Variants in GPM6A observed in about 807,000 individuals in gnomAD.
The protein encoded by GPM6A is glycoprotein M6A, also known as neuronal membrane glycoprotein M6-a.
A neutral mutation model predicts 32.1 loss-of-function variants in GPM6A; 7 were observed. The ratio of observed to expected loss-of-function variants is 0.22; its 90% CI spans 0.12 to 0.41. GPM6A has a LOEUF of 0.41. GPM6A is among the 10% of genes least tolerant of loss of function. The pLI is 1.00. For missense variants in GPM6A, 235 were observed against 347.2 expected (o/e 0.68, Z 2.57); for synonymous variants, 130 against 123.4 (o/e 1.05, Z -0.35).
intron 1 of GPM6A, among the ~76,000 whole-genome samples, chr4:175,799,768 G>C (rs1302324982): frequency 7.2e-6 from 1 of 137,996 alleles, no homozygotes; most frequent in Non-Finnish European, 1.6e-5. Context: ...TCCGCCTCCC[G>C]GGTTCACGCC....
chr4:175,732,030 A>T (rs535437105), intron 1 of GPM6A, among the ~76,000 whole-genome samples: 96 of 143,550 alleles, frequency 6.7e-4, no homozygotes, highest in African/African-American at 2.5e-3. Flanking sequence ...GCAGTGGCTC[A>T]ATCTCAGCTT....
At chr4:175,937,063 G>A (rs1267784566) in intron 1 of GPM6A, among the ~76,000 whole-genome samples, 1 of 151,876 alleles carries the variant, frequency 6.6e-6, no homozygotes, top group Non-Finnish European at 1.5e-5. Context: ...CACTTTCAAG[G>A]GTACAGACAA....
At chr4:175,721,147 T>C (rs1415805920) in intron 1 of GPM6A, among the ~76,000 whole-genome samples, 1 of 84,472 alleles carries the variant, frequency 1.2e-5, no homozygotes, top group East Asian at 2.5e-4. Context: ...ATATATATTC[T>C]AATATATATA....
At chr4:175,659,987 T>C (rs1560857622) in intron 3 of GPM6A, among the ~76,000 whole-genome samples, 1 of 152,182 alleles carries the variant, frequency 6.6e-6, no homozygotes, top group Non-Finnish European at 1.5e-5. Flanking sequence ...AATAATACAG[T>C]ATTGACGTTA....
intron 1 of GPM6A, among the ~76,000 whole-genome samples, chr4:175,919,237 T>C (rs937543342): frequency 6.6e-6 from 1 of 152,168 alleles, no homozygotes; most frequent in Admixed American, 6.6e-5. Flanking sequence ...ATGAGGTCCC[T>C]GGCAGTCTAG....
intron 1 of GPM6A, among the ~76,000 whole-genome samples, chr4:175,942,992 A>G (rs1225106900): frequency 6.6e-6 from 1 of 152,168 alleles, no homozygotes; most frequent in Non-Finnish European, 1.5e-5. Context: ...TTTTCACTAT[A>G]TAGATTCTTC....
chr4:175,670,861 A>AT (rs33998725), intron 3 of GPM6A, among the ~76,000 whole-genome samples: 4,163 of 124,168 alleles, frequency 0.034, 169 homozygotes, highest in East Asian at 0.094. Flanking sequence ...ATGTTGCTTC[A>AT]TTTTTTTTTT....
chr4:175,905,397 AGCT>A (rs778490532), intron 1 of GPM6A, among the ~76,000 whole-genome samples: 1 of 151,492 alleles, frequency 6.6e-6, no homozygotes, highest in Non-Finnish European at 1.5e-5. Flanking sequence ...TTTTCTCATC[AGCT>A]ATTGTTAGTG....
At chr4:175,696,919 T>G (rs1425959357) in intron 2 of GPM6A, among the ~76,000 whole-genome samples, 2 of 152,170 alleles carry the variant, frequency 1.3e-5, no homozygotes, top group Non-Finnish European at 2.9e-5. Context: ...AAAATCTATA[T>G]ATCTATTTTG....
intron 1 of GPM6A, among the ~76,000 whole-genome samples, chr4:175,924,615 G>A (rs1738772473): frequency 6.6e-6 from 1 of 152,086 alleles, no homozygotes; most frequent in Admixed American, 6.5e-5. Context: ...CGAGGCACAC[G>A]GATCACCTGA....
intron 1 of GPM6A, among the ~76,000 whole-genome samples, chr4:175,909,082 C>G (rs1169973894): frequency 7.0e-6 from 1 of 141,942 alleles, no homozygotes; most frequent in Non-Finnish European, 1.5e-5. Context: ...TTAATCAGGT[C>G]TTACTATAAC....
chr4:175,806,850 CTA>C, intron 1 of GPM6A: 1 of 152,196 alleles, frequency 6.6e-6, no homozygotes, highest in East Asian at 1.9e-4. Flanking sequence ...ATCTGATTCT[CTA>C]TGTTTCTTTT....
At chr4:175,930,144 T>A (rs963409792) in intron 1 of GPM6A, among the ~76,000 whole-genome samples, 6 of 152,140 alleles carry the variant, frequency 3.9e-5, no homozygotes, top group African/African-American at 7.2e-5. Flanking sequence ...ATAATGTTAG[T>A]CATCAAACAT....
intron 1 of GPM6A, among the ~76,000 whole-genome samples, chr4:175,959,293 G>C (rs537208548): frequency 6.6e-6 from 1 of 151,982 alleles, no homozygotes; most frequent in Admixed American, 6.6e-5. Context: ...ACAGCTTAAC[G>C]TTATACACAT....
chr4:175,816,297 AATGTATATTACTTTTTTCTT>A (rs1217070882), upstream of GPM6A, among the ~76,000 whole-genome samples: 1 of 152,236 alleles, frequency 6.6e-6, no homozygotes, highest in East Asian at 1.9e-4. Context: ...AAATGTTTAT[AATGTATATTACTTTTTTCTT>A]ATGTGAGCTC....
chr4:175,742,118 C>A (rs1731910459), intron 1 of GPM6A, among the ~76,000 whole-genome samples: 1 of 151,984 alleles, frequency 6.6e-6, no homozygotes, highest in Non-Finnish European at 1.5e-5. Context: ...AAATATTAAA[C>A]TTTTCCTCTT....
At chr4:175,699,435 T>A (rs1744750225) in intron 2 of GPM6A, among the ~76,000 whole-genome samples, 1 of 152,188 alleles carries the variant, frequency 6.6e-6, no homozygotes, top group Non-Finnish European at 1.5e-5. Flanking sequence ...ATTTAATGGA[T>A]AACGTCAATT....
chr4:175,733,648 T>C (rs1420792451), intron 1 of GPM6A, among the ~76,000 whole-genome samples: 1 of 152,214 alleles, frequency 6.6e-6, no homozygotes. Context: ...AAAGTGTTTT[T>C]TTCCAAGTCA....
chr4:175,850,298 T>G lies in GPM6A; in HGVS notation c.-22-38049A>C, dbSNP rs557707649. Among the ~76,000 whole-genome samples the G allele has an allele frequency of 1.6e-4, 25 of 152,158 alleles. 1 individual carries two copies. The South Asian group carries it at 1.7e-3, about 10-fold the overall frequency. On this transcript the variant is annotated intron_variant, in intron 1 of 7. Transcript: ENST00000280187. ...GGGATTTAATAAGAAAAGAAATTAG[T>G]GTGACAAGGGAGTAACAATGGAAAT...
Sources: gnomAD v4.1 joint callset for allele counts (sites outside exome capture counted in the v4.1 genomes callset) on GRCh38, gnomAD v4.1.1 for gene constraint, MANE v1.5 for transcripts, NCBI Gene and HGNC (gene_info 2026-07-23, HGNC 2026-07-21) for gene names.